Variants in AFF1 observed in about 807,000 individuals in gnomAD.
AFF1 encodes AF4/FMR2 family member 1.
In AFF1, 48 loss-of-function variants were observed where a neutral mutation model predicts 121.7. The ratio of observed to expected loss-of-function variants is 0.39; its 90% CI spans 0.31 to 0.50. The LOEUF (loss-of-function observed/expected upper bound fraction) is 0.50, where lower values mean the gene tolerates loss of function less well. Among genes scored for constraint, AFF1 ranks in the 20% least tolerant of loss-of-function variants. AFF1 has a pLI of 0.76. For missense variants in AFF1, 1,523 were observed against 1,511.7 expected (o/e 1.01, Z -0.12); for synonymous variants, 613 against 563.0 (o/e 1.09, Z -1.26).
At chr4:87,125,194 G>A in intron 13 of AFF1, 51 bp downstream of exon 13, 1 of 1,398,996 alleles carries the variant, frequency 7.1e-7, no homozygotes, top group Non-Finnish European at 9.6e-7. Context: ...AACACTTCTT[G>A]GGTCTTGACA....
chr4:87,106,540 T>C (rs1330579969), intron 10 of AFF1, among the ~76,000 whole-genome samples: 1 of 152,268 alleles, frequency 6.6e-6, no homozygotes, highest in Middle Eastern at 3.2e-3. Flanking sequence ...TCTTTTCCAT[T>C]ATGCCTGTTT....
intron 2 of AFF1, among the ~76,000 whole-genome samples, chr4:87,022,577 T>TACAC (rs1560547244): frequency 6.8e-5 from 6 of 88,518 alleles, no homozygotes; most frequent in African/African-American, 2.6e-4. Context: ...TATATATATA[T>TACAC]ATATATCTAT....
intron 2 of AFF1, among the ~76,000 whole-genome samples, chr4:86,997,309 G>A (rs1725293172): frequency 6.6e-6 from 1 of 152,192 alleles, no homozygotes; most frequent in African/African-American, 2.4e-5. Context: ...GTCCCCACCA[G>A]CAAGAAGGCT....
chr4:86,940,886 G>A (rs1168764343), intron 1 of AFF1, among the ~76,000 whole-genome samples: 5 of 151,618 alleles, frequency 3.3e-5, no homozygotes, highest in African/African-American at 1.2e-4. Context: ...TCAGGAGTTT[G>A]AGACCAGCTT....
chr4:87,132,733 C>T (rs530768305), intron 19 of AFF1, among the ~76,000 whole-genome samples: 2 of 152,308 alleles, frequency 1.3e-5, no homozygotes, highest in South Asian at 2.1e-4. Flanking sequence ...CTCTGTCTCC[C>T]AGGCTGGAAT....
rs2149767786 is a variant in AFF1, at chr4:87,114,687, C to G, written c.1854C>G (p.Ala618=). The G allele has an allele frequency of 1.9e-6, 3 of 1,613,968 alleles. No individual in the cohort carries two copies. Among genetic ancestry groups the G allele is most frequent in the Non-Finnish European group, 2.5e-6 (3 of 1,179,990 alleles). ...AACAACCCAAAAAACCTGTCAAGGC[C>G]TCTGCCCGGGCAGGTTCACGGACCA... ...GTKQPKKPVK[A]SARAGSRTSL... is the part of the protein sequence containing the mutation. The change falls in exon 12 of 21, where the codon GCC becomes GCG. Residue 618 remains alanine (A), a synonymous_variant. Coordinates refer to ENST00000395146, the MANE Select transcript of AFF1 (RefSeq NM_001166693.3).
chr4:86,975,961 G>A (rs1458509685), intron 2 of AFF1, among the ~76,000 whole-genome samples: 1 of 152,124 alleles, frequency 6.6e-6, no homozygotes, highest in South Asian at 2.1e-4. Flanking sequence ...TTTTAAAAAA[G>A]ACATTTAAAC....
intron 13 of AFF1, 99 bp downstream of exon 13, chr4:87,125,242 ATTAATAAACTCAAGC>A: frequency 1.3e-6 from 1 of 764,454 alleles, no homozygotes; most frequent in East Asian, 2.9e-5. Flanking sequence ...GAATCAGTGG[ATTAATAAACTCAAGC>A]TCATTTGGAC....
chr4:87,035,709 G>A (rs758488589), intron 2 of AFF1, among the ~76,000 whole-genome samples: 2 of 152,164 alleles, frequency 1.3e-5, no homozygotes, highest in Non-Finnish European at 2.9e-5. Flanking sequence ...CCCAGAAAGA[G>A]GAGCCTCTCG....
At chr4:86,980,354 T>A (rs1358115565) in intron 2 of AFF1, among the ~76,000 whole-genome samples, 1 of 152,194 alleles carries the variant, frequency 6.6e-6, no homozygotes, top group Non-Finnish European at 1.5e-5. Context: ...CAGCTGGGCA[T>A]GGCGGTACAT....
intron 11 of AFF1, among the ~76,000 whole-genome samples, chr4:87,110,465 TG>T (rs1726370205): frequency 6.8e-6 from 1 of 146,578 alleles, no homozygotes; most frequent in South Asian, 2.1e-4. Flanking sequence ...TGTTTTGTTT[TG>T]TTTTGTTTTG....
chr4:87,095,014 T>C (rs1406948112), intron 8 of AFF1, 45 bp downstream of exon 8: 2 of 1,548,382 alleles, frequency 1.3e-6, no homozygotes, highest in East Asian at 2.2e-5. Flanking sequence ...TAGTATGAAA[T>C]TGTAATGTCT....
rs2052969631 is a variant in AFF1, at chr4:87,115,445, C to G, written c.2466+146C>G. On this transcript the variant is annotated intron_variant, in intron 12 of 20. Transcript: ENST00000395146. ...TTCGCTGTAGCCTTTGCATCTTCTT[C>G]CAGCATTACCTGTCTGGACTTTGCT... 20 of 843,962 alleles carry G rather than the reference C, an allele frequency of 2.4e-5. No homozygotes were observed. The South Asian group carries it at 3.5e-4, about 15-fold the overall frequency. The allele number at this position is 843,962 out of a possible 1,614,324, so 52.3% of individuals were successfully genotyped here.
rs546661637 is a variant in AFF1 at position 87,110,819 on chromosome 4, C to T, written c.1533+2504C>T. Among the ~76,000 whole-genome samples, 123 of 151,572 alleles carry T rather than the reference C, an allele frequency of 8.1e-4. 3 individuals are homozygous for T. In the East Asian group the frequency reaches 0.02, roughly 25 times the overall value. Reference sequence around the variant, plus strand: ...TAAAAAATAATTATATCCTTTTTTTCCTATTTCCAATTTGCAGTATTTGGA... The same window carrying T: ...TAAAAAATAATTATATCCTTTTTTTTCTATTTCCAATTTGCAGTATTTGGA... On this transcript the variant is annotated intron_variant, in intron 11 of 20. Coordinates refer to ENST00000395146, the MANE Select transcript of AFF1 (RefSeq NM_001166693.3).
intron 12 of AFF1, 97 bp from the exon 13 acceptor site, chr4:87,124,940 G>A (rs1728077541): frequency 2.0e-6 from 2 of 997,732 alleles, no homozygotes; most frequent in African/African-American, 1.6e-5. Context: ...GTCTCCAAAG[G>A]TTCCTTTACC....
At position 87,099,266 on chromosome 4, in the gene AFF1, A is replaced by G. The variant is rs188874292; in HGVS notation, c.1283+4297A>G. Among the ~76,000 whole-genome samples, 126 of 152,396 alleles carry G rather than the reference A, an allele frequency of 8.3e-4. 3 individuals carry two copies. In the South Asian group the frequency reaches 0.023, roughly 28 times the overall value. ...AGAACTTGACATTGAAGTAATATCT[A>G]CATCCCTTATTCACAGTTCTTCCGC... On this transcript the variant is annotated intron_variant, in intron 8 of 20. Transcript: ENST00000395146.
chr4:87,015,364 T>G (rs1308409201), intron 2 of AFF1, among the ~76,000 whole-genome samples: 1 of 152,194 alleles, frequency 6.6e-6, no homozygotes, highest in East Asian at 1.9e-4. Context: ...GGCATTAGAA[T>G]AGCAAAAGGA....
At chr4:87,060,110 A>G (rs1319608093) in intron 4 of AFF1, among the ~76,000 whole-genome samples, 1 of 152,188 alleles carries the variant, frequency 6.6e-6, no homozygotes, top group Non-Finnish European at 1.5e-5. Context: ...TTGAGAAATC[A>G]TTTCACCATT....
intron 2 of AFF1, among the ~76,000 whole-genome samples, chr4:87,012,969 G>A (rs929338196): frequency 3.4e-5 from 5 of 145,344 alleles, no homozygotes; most frequent in African/African-American, 1.3e-4. Flanking sequence ...CTGAATGTCT[G>A]TTTTCTTGTG....
Sources: gnomAD v4.1 joint callset for allele counts (sites outside exome capture counted in the v4.1 genomes callset) on GRCh38, gnomAD v4.1.1 for gene constraint, MANE v1.5 for transcripts, NCBI Gene and HGNC (gene_info 2026-07-23, HGNC 2026-07-21) for gene names.